The following MROH1 variants were observed in gnomAD, a reference collection of about 807,000 sequenced individuals.
MROH1 encodes the protein maestro heat-like repeat-containing protein family member 1.
In MROH1, 117 loss-of-function variants were observed where a neutral mutation model predicts 116.5. That is an observed-to-expected ratio of 1.00 (90% CI 0.86 to 1.17). The LOEUF (loss-of-function observed/expected upper bound fraction) is 1.17. Ranked by LOEUF, MROH1 falls within the 50% of genes most tolerant of loss-of-function variation. The pLI, the probability that MROH1 is intolerant of heterozygous loss-of-function variation, is 0.00. For missense variants in MROH1, 1,873 were observed against 1,338.5 expected (o/e 1.40, Z -6.23); for synonymous variants, 921 against 583.9 (o/e 1.58, Z -8.32).
At chr8:144,261,566 G>A (rs1845074321) in intron 43 of MROH1, 89 bp from the exon 44 acceptor site, 5 of 700,012 alleles carry the variant, frequency 7.1e-6, no homozygotes, top group Admixed American at 4.0e-5. Context: ...GAGCCTCCCA[G>A]CAGAGGCTGT....
rs1035498437 is a variant in MROH1, at chr8:144,163,196, C to G, written c.-56-575C>G. Among the ~76,000 whole-genome samples, 2 of 152,094 alleles carry G rather than the reference C, an allele frequency of 1.3e-5. No homozygotes were observed. The highest frequency in any genetic ancestry group is 2.4e-5 in the African/African-American group (1 of 41,412). On this transcript the variant is annotated intron_variant, in intron 2 of 43. Transcript: ENST00000326134. This position sits in a 1 kb window ranked among gnomAD's most constrained non-coding sequence, Gnocchi z 4.4. ...GGAATTAAGGGGCTGGTGGGAGACT[C>G]AGAGAACAGAGAATGTGAGTGTTAG...
rs918515044 is a variant in MROH1, at chr8:144,239,865, A to G, written c.1774+110A>G. 5.1e-3 allele frequency: 3,529 copies of G among 687,890 alleles called. 49 individuals carry two copies. Among genetic ancestry groups the G allele is most frequent in the Middle Eastern group, 7.8e-3 (21 of 2,682 alleles). 42.6% of individuals were successfully genotyped at this position (687,890 alleles called of 1,614,324 possible). On this transcript the variant is annotated intron_variant, in intron 18 of 43. Transcript: ENST00000326134. ...TTGCCAAGTGGCACTAGGGTGGCCAATGGGGACTAGGGTTGTATAATTGGA... is the reference window on the plus strand; with the variant it reads ...TTGCCAAGTGGCACTAGGGTGGCCAGTGGGGACTAGGGTTGTATAATTGGA...
At position 144,180,280 on chromosome 8, in the gene MROH1, C is replaced by T. The variant is rs1406885176; in HGVS notation, c.403C>T (p.Pro135Ser). 6.2e-7 allele frequency: 1 copy of T among 1,609,546 alleles called. No individual in the cohort carries two copies. The highest frequency in any genetic ancestry group is 1.7e-5 in the Admixed American group (1 of 59,952). Reference protein sequence around the residue: ...VMEELLRRLHPGTLPHCAVLH... With the variant: ...VMEELLRRLHSGTLPHCAVLH... The stretch of plus-strand genomic sequence containing the variant: ...GGAGGAGCTGCTGCGCAGGCTGCAC[C>T]CTGGGACCCTGCCACACTGCGCCGT... Residue 135 changes from proline (P) to serine (S), a missense_variant, in exon 6 of 44, where the codon CCT (proline) becomes TCT (serine). Transcript: ENST00000326134. This position sits in a 1 kb window ranked among gnomAD's most constrained non-coding sequence, Gnocchi z 7.4.
chr8:144,250,003 G>A (rs1588487898), intron 32 of MROH1, among the ~76,000 whole-genome samples: 4 of 152,302 alleles, frequency 2.6e-5, no homozygotes, highest in East Asian at 1.9e-4. Flanking sequence ...CACTTTGCAC[G>A]CAGAATCCAG....
rs180943877 is a variant in MROH1, at chr8:144,182,798, C to T, written c.562+2275C>T. On this transcript the variant is annotated intron_variant, in intron 7 of 43. Coordinates refer to ENST00000326134, the MANE Select transcript of MROH1 (RefSeq NM_032450.3). The surrounding 1 kb of genome is among the most constrained non-coding windows in gnomAD (Gnocchi z 4.1). ...TGACGCAAAGGCATGCCCTAGTGGCCGGGTGCGGTGGCTCATGCCTGTAAT... is the reference window on the plus strand; with the variant it reads ...TGACGCAAAGGCATGCCCTAGTGGCTGGGTGCGGTGGCTCATGCCTGTAAT... Among the ~76,000 whole-genome samples, 19 of 152,174 alleles carry T rather than the reference C, an allele frequency of 1.2e-4. No homozygotes were observed. The highest frequency in any genetic ancestry group is 2.6e-4 in the Non-Finnish European group (18 of 68,008).
intron 12 of MROH1, among the ~76,000 whole-genome samples, chr8:144,205,433 G>A (rs765409372): frequency 1.3e-5 from 2 of 152,014 alleles, no homozygotes; most frequent in Non-Finnish European, 2.9e-5. Flanking sequence ...ATTTGACTGG[G>A]ATTTTCCTTA....
chr8:144,260,347 C>T lies in MROH1; in HGVS notation c.4353C>T (p.Ala1451=), dbSNP rs1459002261. Residue 1451 remains alanine, a synonymous_variant, in exon 39 of 44, where the codon GCC becomes GCT. Coordinates refer to ENST00000326134, the MANE Select transcript of MROH1 (RefSeq NM_032450.3). The stretch of plus-strand genomic sequence containing the variant: ...TGCGCTCAGGGCTGCTGCACGTGGC[C>T]ATCCGCATCCGGCCTTTCTTCGACA... ...WDLRSGLLHV[A]IRIRPFFDSE... The T allele has an allele frequency of 5.2e-5, 38 of 729,894 alleles. 1 individual carries two copies. The Admixed American group carries it at 6.4e-4, about 12-fold the overall frequency. The allele number at this position is 729,894 out of a possible 1,614,324, so 45.2% of individuals were successfully genotyped here. A position where few individuals can be genotyped will look rare whatever the true frequency, so the allele number is the denominator to read the frequency against.
intron 10 of MROH1, among the ~76,000 whole-genome samples, chr8:144,195,154 C>G (rs1829520519): frequency 7.9e-6 from 1 of 125,792 alleles, no homozygotes; most frequent in Non-Finnish European, 1.6e-5. Flanking sequence ...GTGATCACGC[C>G]AGTGCATTCC....
chr8:144,199,754 C>T (rs1439582647), intron 11 of MROH1, among the ~76,000 whole-genome samples: 2 of 149,860 alleles, frequency 1.3e-5, no homozygotes, highest in Non-Finnish European at 2.9e-5. Flanking sequence ...GCATCAACAT[C>T]TCCCTGGAGC....
chr8:144,148,573 C>G (rs1815973918), intron 1 of MROH1: 1 of 152,674 alleles, frequency 6.5e-6, no homozygotes, highest in South Asian at 2.1e-4. Context: ...CGGCGTGCCC[C>G]GGGCCTCCGT....
Position 144,180,311 on chromosome 8 carries a change from A to C in MROH1, c.434A>C (p.His145Pro). The C allele has an allele frequency of 1.2e-6, 2 of 1,606,014 alleles. No individual in the cohort carries two copies. The highest frequency in any genetic ancestry group is 4.5e-5 in the East Asian group (2 of 44,742). The change falls in exon 6 of 44, where the codon CAC becomes CCC. Residue 145 changes from histidine (H) to proline (P), a missense_variant. Coordinates refer to ENST00000326134, the MANE Select transcript of MROH1 (RefSeq NM_032450.3). The surrounding 1 kb of genome is among the most constrained non-coding windows in gnomAD (Gnocchi z 7.4). ...PGTLPHCAVLHTLASLSVANA... is the reference protein window; with the variant it reads ...PGTLPHCAVLPTLASLSVANA... ...ACCCTGCCACACTGCGCCGTGCTGC[A>C]CACCCTCGCCAGCCTCTCGGTGGCC...
At position 144,179,689 on chromosome 8, in the gene MROH1, T is replaced by G. The variant is rs1269073097; in HGVS notation, c.300+103T>G. On this transcript the variant is annotated intron_variant, in intron 5 of 43. Coordinates refer to ENST00000326134, the MANE Select transcript of MROH1 (RefSeq NM_032450.3). Reference sequence around the variant, plus strand: ...GCAGCCTTGAGAGTATAGGGTGGTGTTTGGCTGCCTTGGGCTGGCAGATGC... The same window carrying G: ...GCAGCCTTGAGAGTATAGGGTGGTGGTTGGCTGCCTTGGGCTGGCAGATGC... 53 of 1,435,436 alleles carry G rather than the reference T, an allele frequency of 3.7e-5. 1 individual carries two copies. The highest frequency in any genetic ancestry group is 4.8e-5 in the Non-Finnish European group (51 of 1,057,104). The allele number at this position is 1,435,436 out of a possible 1,614,324, so 88.9% of individuals were successfully genotyped here. A position where few individuals can be genotyped will look rare whatever the true frequency, so the allele number is the denominator to read the frequency against.
intron 12 of MROH1, among the ~76,000 whole-genome samples, chr8:144,207,849 A>G (rs1019826983): frequency 6.6e-6 from 1 of 151,526 alleles, no homozygotes; most frequent in Non-Finnish European, 1.5e-5. Context: ...TAGATGCTTT[A>G]TTGTTTGAGC....
chr8:144,190,353 C>T (rs887789274), intron 7 of MROH1, among the ~76,000 whole-genome samples: 7 of 152,172 alleles, frequency 4.6e-5, no homozygotes, highest in Admixed American at 1.3e-4. Context: ...CATGGTGAAA[C>T]CCTGTCTCTT....
chr8:144,254,479 G>A, intron 33 of MROH1: 1 of 267,228 alleles, frequency 3.7e-6, no homozygotes, highest in Non-Finnish European at 7.2e-6. Context: ...GTGACGTCCT[G>A]AGGCCTGGGC....
Position 144,214,980 on chromosome 8 carries a change from A to G in MROH1, c.1142-5620A>G, listed in dbSNP as rs557046279. Among the ~76,000 whole-genome samples the G allele has an allele frequency of 2.6e-5, 4 of 152,286 alleles. No homozygotes were observed. In the East Asian group the frequency reaches 7.7e-4, roughly 29 times the overall value. ...AAGATGCAGGCTGGGAGGCTAAGCC[A>G]GTCTAGTCTTTCCACATTCTTCTTC... On this transcript the variant is annotated intron_variant, in intron 12 of 43. Coordinates refer to ENST00000326134, the MANE Select transcript of MROH1 (RefSeq NM_032450.3).
intron 12 of MROH1, among the ~76,000 whole-genome samples, chr8:144,202,774 C>T (rs1831629930): frequency 1.1e-5 from 1 of 94,332 alleles, no homozygotes; most frequent in Admixed American, 1.5e-4. Flanking sequence ...GGAGCACCCG[C>T]TGTCTGTGGA....
rs945169805 is a variant in MROH1, at chr8:144,239,183, C to G, written c.1591+4C>G. On this transcript the variant is annotated splice_donor_region_variant and intron_variant, in intron 16 of 43. Transcript: ENST00000326134. ...CTCATCCAGTACGACGCCCATGGTGCGTGCCGCGCCGTACCCCACCTCCCC... is the reference window on the plus strand; with the variant it reads ...CTCATCCAGTACGACGCCCATGGTGGGTGCCGCGCCGTACCCCACCTCCCC... 15 of 757,914 alleles carry G rather than the reference C, an allele frequency of 2.0e-5. No homozygotes were observed. Among genetic ancestry groups the G allele is most frequent in the Non-Finnish European group, 3.6e-5 (15 of 413,348 alleles). 46.9% of individuals were successfully genotyped at this position (757,914 alleles called of 1,614,324 possible).
intron 10 of MROH1, among the ~76,000 whole-genome samples, chr8:144,197,101 C>T (rs1196954036): frequency 6.6e-6 from 1 of 151,802 alleles, no homozygotes; most frequent in East Asian, 1.9e-4. Flanking sequence ...TCTCAAAAAA[C>T]AACAACAACA....
Sources: gnomAD v4.1 joint callset for allele counts (sites outside exome capture counted in the v4.1 genomes callset) on GRCh38, gnomAD v4.1.1 for gene constraint, Gnocchi (gnomAD v3.1) non-coding constraint, MANE v1.5 for transcripts, NCBI Gene and HGNC (gene_info 2026-07-23, HGNC 2026-07-21) for gene names.